Variants in CLDN1 observed in about 807,000 individuals in gnomAD.
CLDN1 encodes claudin 1, also known as claudin-1.
CLDN1 carries 12 observed loss-of-function variants against 22.6 expected under a neutral mutation model. The observed-to-expected ratio is 0.53, with a 90% CI of 0.34 to 0.86. CLDN1 has a LOEUF of 0.86. Ranked by LOEUF, CLDN1 falls within the 40% of genes least tolerant of loss-of-function variation. The pLI is 0.02. For synonymous variants in CLDN1, 99 were observed against 103.8 expected (o/e 0.95, Z 0.28); for missense variants, 250 against 269.5 (o/e 0.93, Z 0.51).
At chr3:190,320,764 G>A (rs976177984) in intron 1 of CLDN1, among the ~76,000 whole-genome samples, 2 of 152,044 alleles carry the variant, frequency 1.3e-5, no homozygotes, top group Non-Finnish European at 1.5e-5. Flanking sequence ...CATGCAATGG[G>A]GGCCAGTGGG....
chr3:190,313,717 A>T (rs1018962414), intron 1 of CLDN1, among the ~76,000 whole-genome samples: 1 of 152,194 alleles, frequency 6.6e-6, no homozygotes, highest in African/African-American at 2.4e-5. Flanking sequence ...TAGTTTTTTA[A>T]AACTATTTAA....
intron 2 of CLDN1, among the ~76,000 whole-genome samples, chr3:190,311,362 C>G (rs143729096): frequency 2.7e-3 from 418 of 152,306 alleles, no homozygotes; most frequent in African/African-American, 9.4e-3. Context: ...GAATAAGACA[C>G]TATCCATGCC....
In CLDN1 at chr3:190,322,102, A is replaced by T. The variant is rs1406310131; in HGVS notation, c.105T>A (p.Tyr35Ter). Reference protein sequence around the residue: ...TALPQWRIYSYAGDNIVTAQA... With the variant: ...TALPQWRIYS The stretch of plus-strand genomic sequence containing the variant: ...GGGCGGTCACGATGTTGTCGCCGGC[A>T]TAGGAGTAAATCCTCCACTGGGGCA... The change falls in exon 1 of 4, where the codon TAT (tyrosine) becomes TAA (stop). Residue 35 changes from tyrosine (Y) to a stop codon, truncating the protein, a stop_gained. Coordinates refer to ENST00000295522, the MANE Select transcript of CLDN1 (RefSeq NM_021101.5). LOFTEE classifies it high-confidence loss of function. 1 of 1,614,088 alleles carries T rather than the reference A, an allele frequency of 6.2e-7. No homozygotes were observed. Among genetic ancestry groups the T allele is most frequent in the South Asian group, 1.1e-5 (1 of 91,090 alleles).
chr3:190,322,389 C>A lies in CLDN1; in HGVS notation c.-183G>T, dbSNP rs983140650. Reference sequence around the variant, plus strand: ...TCGGGGTTGGGGTCCGCGCCCGGGGCGGCGCTGGAGTCTGGATACTAGAAG... The same window carrying A: ...TCGGGGTTGGGGTCCGCGCCCGGGGAGGCGCTGGAGTCTGGATACTAGAAG... On this transcript the variant is annotated 5_prime_UTR_variant, in exon 1 of 4. Coordinates refer to ENST00000295522, the MANE Select transcript of CLDN1 (RefSeq NM_021101.5). 8 of 640,228 alleles carry A rather than the reference C, an allele frequency of 1.2e-5. No individual in the cohort carries two copies. In the Admixed American group the frequency reaches 1.9e-4, roughly 15 times the overall value. The allele number at this position is 640,228 out of a possible 1,614,324, so 39.7% of individuals were successfully genotyped here.
chr3:190,321,565 C>T (rs1241309201), intron 1 of CLDN1, among the ~76,000 whole-genome samples: 1 of 152,190 alleles, frequency 6.6e-6, no homozygotes. Context: ...TAAGCGTGCA[C>T]ACTTGAGAAG....
intron 3 of CLDN1, among the ~76,000 whole-genome samples, chr3:190,309,758 C>A (rs3774029): frequency 0.032 from 4,859 of 152,066 alleles, 139 homozygotes; most frequent in Admixed American, 0.093. Flanking sequence ...TATTCATTAA[C>A]CCCTATAGTA....
chr3:190,310,130 T>C (rs372251880), intron 3 of CLDN1, 39 bp downstream of exon 3: 23 of 1,551,254 alleles, frequency 1.5e-5, no homozygotes, highest in Admixed American at 5.0e-5. Context: ...AAGGGCATTT[T>C]CTCAGAAAAC....
intron 1 of CLDN1, among the ~76,000 whole-genome samples, chr3:190,317,417 G>A (rs1444981792): frequency 3.9e-5 from 6 of 152,108 alleles, no homozygotes; most frequent in African/African-American, 9.7e-5. Context: ...AGAATTAAAA[G>A]TAAATACTTA....
intron 1 of CLDN1, among the ~76,000 whole-genome samples, chr3:190,315,285 G>C (rs1716734812): frequency 1.3e-5 from 2 of 152,110 alleles, no homozygotes; most frequent in Admixed American, 1.3e-4. Context: ...AGTTTGCCTG[G>C]AACAGTCCTA....
chr3:190,321,795 G>A (rs1461147378), intron 1 of CLDN1, among the ~76,000 whole-genome samples, 189 bp downstream of exon 1: 3 of 152,200 alleles, frequency 2.0e-5, no homozygotes. Context: ...CAAAACTAGA[G>A]CTTATGCCTG....
At chr3:190,310,896 T>C (rs1716598112) in intron 2 of CLDN1, among the ~76,000 whole-genome samples, 3 of 152,232 alleles carry the variant, frequency 2.0e-5, no homozygotes, top group Admixed American at 2.0e-4. Flanking sequence ...TATTCAATGA[T>C]AGCAGAGAAA....
intron 3 of CLDN1, among the ~76,000 whole-genome samples, chr3:190,309,861 A>G (rs974921515): frequency 1.3e-5 from 2 of 152,214 alleles, no homozygotes; most frequent in African/African-American, 4.8e-5. Flanking sequence ...TCAAAAAGGA[A>G]ATTTCAAATA....
In CLDN1 at chr3:190,322,334, T is replaced by C. The variant is rs1341405705; in HGVS notation, c.-128A>G. 1.2e-6 allele frequency: 1 copy of C among 845,084 alleles called. No individual in the cohort carries two copies. Among genetic ancestry groups the C allele is most frequent in the African/African-American group, 1.7e-5 (1 of 59,752 alleles). The allele number at this position is 845,084 out of a possible 1,614,324, so 52.3% of individuals were successfully genotyped here. ...AGGAAGTTAAGGCGGGGAGCCCTGC[T>C]CGCTGCGCCGCCGCTGGAGAAGCTC... On this transcript the variant is annotated 5_prime_UTR_variant, in exon 1 of 4. Coordinates refer to ENST00000295522, the MANE Select transcript of CLDN1 (RefSeq NM_021101.5).
chr3:190,313,018 C>T lies in CLDN1; in HGVS notation c.242G>A (p.Arg81His), dbSNP rs200968478. The change falls in exon 2 of 4, where the codon CGT (arginine) becomes CAT (histidine). Residue 81 changes from arginine to histidine, a missense_variant. Transcript: ENST00000295522. ...LNLSSTLQAT[R>H]ALMVVGILLG... ...GAGGATGCCAACCACCATCAAGGCA[C>T]GGGTTGCTTGCAATGTGCCTGGCAG... 41 of 1,614,118 alleles carry T rather than the reference C, an allele frequency of 2.5e-5. No homozygotes were observed. The highest frequency in any genetic ancestry group is 1.3e-4 in the Admixed American group (8 of 60,018).
Position 190,306,334 on chromosome 3 carries a change from A to G in CLDN1, c.*1943T>C, listed in dbSNP as rs1055693599. ...TTATTTGTTTAGTGCACTCAATTTT[A>G]CTTCACTGTCTCATCACTTGAGAGA... On this transcript the variant is annotated 3_prime_UTR_variant, in exon 4 of 4. Transcript: ENST00000295522. The G allele has an allele frequency of 2.0e-5, 3 of 152,202 alleles. No individual in the cohort carries two copies. The highest frequency in any genetic ancestry group is 2.9e-5 in the Non-Finnish European group (2 of 68,026). The allele number at this position is 152,202 out of a possible 1,614,324, so 9.4% of individuals were successfully genotyped here.
Position 190,308,227 on chromosome 3 carries a change from A to G in CLDN1, c.*50T>C, listed in dbSNP as rs767597561. On this transcript the variant is annotated 3_prime_UTR_variant, in exon 4 of 4. Coordinates refer to ENST00000295522, the MANE Select transcript of CLDN1 (RefSeq NM_021101.5). ...TCCTAATGTTAATGATAGTATCTCA[A>G]TGTCCATTTTCGGTTTGTTTCAACA... 2 of 1,600,448 alleles carry G rather than the reference A, an allele frequency of 1.2e-6. No individual in the cohort carries two copies. Among genetic ancestry groups the G allele is most frequent in the South Asian group, 1.1e-5 (1 of 90,650 alleles).
intron 2 of CLDN1, among the ~76,000 whole-genome samples, chr3:190,312,159 G>T (rs566425964): frequency 6.6e-6 from 1 of 151,914 alleles, no homozygotes; most frequent in Non-Finnish European, 1.5e-5. Context: ...TTGAACTCAC[G>T]ACCTCAGGTG....
chr3:190,321,766 T>A (rs1451591100), intron 1 of CLDN1, among the ~76,000 whole-genome samples: 2 of 152,154 alleles, frequency 1.3e-5, no homozygotes, highest in Non-Finnish European at 2.9e-5. Context: ...GGCAGAAGTG[T>A]CACCCAGGGA....
At position 190,320,034 on chromosome 3, in the gene CLDN1, G is replaced by A. The variant is rs548463489; in HGVS notation, c.223+1950C>T. 6.6e-5 allele frequency among the ~76,000 whole-genome samples: 10 copies of A among 152,164 alleles called. No homozygotes were observed. The South Asian group carries it at 1.9e-3, about 28-fold the overall frequency. ...TAAAATAAAAGTGGATTCTGATCTG[G>A]AGTTTTAAAAAAATAGGAAGACATC... On this transcript the variant is annotated intron_variant, in intron 1 of 3. Transcript: ENST00000295522.
Sources: allele counts gnomAD v4.1 joint callset (sites outside exome capture counted in the v4.1 genomes callset), GRCh38; gene constraint gnomAD v4.1.1; transcripts MANE v1.5; gene names NCBI Gene and HGNC (gene_info 2026-07-23, HGNC 2026-07-21).